Variants in NEBL observed in about 807,000 individuals in gnomAD.
NEBL encodes nebulette.
In NEBL, 122 loss-of-function variants were observed where a neutral mutation model predicts 140.2. The ratio of observed to expected loss-of-function variants is 0.87; its 90% CI spans 0.75 to 1.01. The LOEUF (loss-of-function observed/expected upper bound fraction) is 1.01. Among genes scored for constraint, NEBL ranks in the 50% least tolerant of loss-of-function variants. The pLI, the probability that NEBL is intolerant of heterozygous loss-of-function variation, is 0.00. For synonymous variants in NEBL, 436 were observed against 398.9 expected (o/e 1.09, Z -1.11); for missense variants, 1,365 against 1,231.3 (o/e 1.11, Z -1.62).
intron 2 of NEBL, among the ~76,000 whole-genome samples, chr10:21,026,698 C>T (rs894388323): frequency 2.6e-5 from 4 of 152,186 alleles, no homozygotes; most frequent in African/African-American, 9.6e-5. Context: ...ATGATGATTT[C>T]CTTATGGGCT....
intron 2 of NEBL, among the ~76,000 whole-genome samples, chr10:21,061,257 G>GATATGTAACATATTACATATTATGTT: frequency 6.9e-6 from 1 of 144,024 alleles, no homozygotes; most frequent in African/African-American, 2.6e-5. Context: ...CATATTATGT[G>GATATGTAACATATTACATATTATGTT]ATATGTAACA....
rs764290131 is a variant in NEBL, at chr10:20,897,149, C to G, written c.57G>C (p.Gly19=). 84 of 1,605,458 alleles carry G rather than the reference C, an allele frequency of 5.2e-5. No homozygotes were observed. The highest frequency in any genetic ancestry group is 6.7e-5 in the Non-Finnish European group (79 of 1,172,394). Residue 19 remains glycine (G), a synonymous_variant, in exon 1 of 28, where the codon GGG becomes GGC. Transcript: ENST00000377122. The part of the protein sequence containing the change: ...IKDETEEEKI[G]EEENEEDQVF... Reference sequence around the variant, plus strand: ...CCTGGTCTTCTTCATTTTCTTCTTCCCCTATCTTTTCTTCTTCAGTTTCAT... The same window carrying G: ...CCTGGTCTTCTTCATTTTCTTCTTCGCCTATCTTTTCTTCTTCAGTTTCAT...
intron 2 of NEBL, among the ~76,000 whole-genome samples, chr10:21,127,985 T>C (rs1343704793): frequency 6.6e-6 from 1 of 152,200 alleles, no homozygotes; most frequent in Non-Finnish European, 1.5e-5. Flanking sequence ...GTTGTAGGTA[T>C]TTATACATAC....
intron 3 of NEBL, among the ~76,000 whole-genome samples, chr10:20,968,340 T>TA (rs201526111): frequency 0.024 from 3,372 of 139,708 alleles, 127 homozygotes; most frequent in African/African-American, 0.079. Context: ...CCCCATCTCT[T>TA]AAAAAAAAAA....
intron 9 of NEBL, 111 bp downstream of exon 9, chr10:20,858,129 G>T: frequency 1.2e-6 from 1 of 804,168 alleles, no homozygotes; most frequent in Non-Finnish European, 2.1e-6. Flanking sequence ...TAACGAGGGA[G>T]GAGTGAGGCA....
At chr10:20,819,165 G>A (rs190801052) in intron 20 of NEBL, 32 of 843,888 alleles carry the variant, frequency 3.8e-5, no homozygotes, top group Admixed American at 2.7e-4. Flanking sequence ...TCATCACCCC[G>A]GCATTAAGCC....
chr10:21,145,235 A>G (rs1460976890), intron 2 of NEBL, among the ~76,000 whole-genome samples: 3 of 152,238 alleles, frequency 2.0e-5, no homozygotes, highest in African/African-American at 7.2e-5. Context: ...GGCCAACAAA[A>G]TATGAAATAT....
At position 20,890,194 on chromosome 10, in the gene NEBL, G is replaced by A. The variant is rs75209953; in HGVS notation, c.154-245C>T. ...GTCCAGTTAAGCATCAACACCAGGC[G>A]TGCTGGCTACGGGTGATGGGTCCTG... is the stretch of plus-strand genomic sequence containing the variant. On this transcript the variant is annotated intron_variant, in intron 2 of 27. Transcript: ENST00000377122. Among the ~76,000 whole-genome samples, 282 of 152,262 alleles carry A rather than the reference G, an allele frequency of 1.9e-3. 1 individual carries two copies. Among genetic ancestry groups the A allele is most frequent in the Non-Finnish European group, 3.0e-3 (201 of 68,036 alleles).
At chr10:20,902,341 G>T (rs930976102) in intron 4 of NEBL, among the ~76,000 whole-genome samples, 1 of 152,040 alleles carries the variant, frequency 6.6e-6, no homozygotes, top group Non-Finnish European at 1.5e-5. Flanking sequence ...GGGAGGCAGA[G>T]CTTGCAGTGA....
chr10:21,056,374 A>C (rs1490948971), intron 2 of NEBL, among the ~76,000 whole-genome samples: 1 of 151,296 alleles, frequency 6.6e-6, no homozygotes, highest in Non-Finnish European at 1.5e-5. Flanking sequence ...AGGAGTTACT[A>C]AATTTGCGCA....
intron 3 of NEBL, among the ~76,000 whole-genome samples, chr10:21,187,330 C>T (rs1841491748): frequency 6.6e-6 from 1 of 152,058 alleles, no homozygotes; most frequent in Non-Finnish European, 1.5e-5. Context: ...AATACACTCT[C>T]CTAGGTAAGA....
intron 2 of NEBL, chr10:21,126,000 A>G: frequency 1.2e-6 from 2 of 1,614,094 alleles, no homozygotes; most frequent in Non-Finnish European, 1.7e-6. Context: ...GCTTGTAGAG[A>G]CTGAAGCTGA....
chr10:20,817,496 G>A (rs1021842737), intron 21 of NEBL, 104 bp downstream of exon 21: 13 of 971,992 alleles, frequency 1.3e-5, no homozygotes, highest in Non-Finnish European at 1.6e-5. Context: ...ATGAGAACAG[G>A]ACATCAGCTC....
chr10:20,959,071 CT>C (rs1455964817), intron 4 of NEBL, among the ~76,000 whole-genome samples: 2 of 152,146 alleles, frequency 1.3e-5, no homozygotes, highest in Non-Finnish European at 2.9e-5. Flanking sequence ...AAATTCACTG[CT>C]TTATGTCTTT....
At chr10:21,231,450 G>C (rs142150689) in intron 3 of NEBL, among the ~76,000 whole-genome samples, 84 of 152,158 alleles carry the variant, frequency 5.5e-4, no homozygotes, top group African/African-American at 2.0e-3. Context: ...TGAGGCAGGG[G>C]AATCGCTTGA....
At chr10:21,191,675 G>A (rs925362604) in intron 3 of NEBL, among the ~76,000 whole-genome samples, 6 of 152,148 alleles carry the variant, frequency 3.9e-5, no homozygotes, top group Admixed American at 1.3e-4. Flanking sequence ...TTGACCACAC[G>A]CCCAAAGGCT....
Position 20,835,559 on chromosome 10 carries a change from G to T in NEBL, c.1403C>A (p.Thr468Asn). 1 of 1,612,740 alleles carries T rather than the reference G, an allele frequency of 6.2e-7. No individual in the cohort carries two copies. Among genetic ancestry groups the T allele is most frequent in the South Asian group, 1.1e-5 (1 of 91,078 alleles). The change falls in exon 14 of 28, where the codon ACC becomes AAC. Residue 468 changes from threonine to asparagine, a missense_variant. Thr to Asn is a moderately conservative substitution (Grantham distance 65, BLOSUM62 0). Coordinates refer to ENST00000377122, the MANE Select transcript of NEBL (RefSeq NM_006393.3). ...CTTCTTGGCATGCTGCATTTCAAGGGTGTCAGTGCCAGCTTGCATTCCTTT... is the reference window on the plus strand; with the variant it reads ...CTTCTTGGCATGCTGCATTTCAAGGTTGTCAGTGCCAGCTTGCATTCCTTT... ...KGKGMQAGTD[T>N]LEMQHAKKAA...
At chr10:21,241,175 G>C (rs996353184) in intron 3 of NEBL, among the ~76,000 whole-genome samples, 1 of 151,754 alleles carries the variant, frequency 6.6e-6, no homozygotes, top group African/African-American at 2.4e-5. Flanking sequence ...TTTCAGGTTT[G>C]TGTTATATCT....
At chr10:20,926,583 C>T (rs772241375) in intron 4 of NEBL, among the ~76,000 whole-genome samples, 13 of 152,134 alleles carry the variant, frequency 8.5e-5, no homozygotes, top group Non-Finnish European at 1.9e-4. Context: ...TCCTTAGGGG[C>T]ATATTACTAT....
Sources: gnomAD v4.1 joint callset for allele counts (sites outside exome capture counted in the v4.1 genomes callset) on GRCh38, gnomAD v4.1.1 for gene constraint, MANE v1.5 for transcripts, NCBI Gene and HGNC (gene_info 2026-07-23, HGNC 2026-07-21) for gene names.